RTEL1: variants seen among roughly 807,000 people sequenced by gnomAD.
RTEL1 encodes regulator of telomere elongation helicase 1, also known as regulator of telomere length.
In RTEL1, 86 loss-of-function variants were observed where a neutral mutation model predicts 162.2. The ratio of observed to expected loss-of-function variants is 0.53; its 90% CI spans 0.45 to 0.63. The LOEUF (loss-of-function observed/expected upper bound fraction) is 0.63. Among genes scored for constraint, RTEL1 ranks in the 30% least tolerant of loss-of-function variants. The pLI is 0.00. For synonymous variants in RTEL1, 958 were observed against 717.9 expected, an observed-to-expected ratio of 1.33 and a Z score of -5.35; for missense variants, 1,941 against 1,750.2, an observed-to-expected ratio of 1.11 and a Z score of -1.95.
chr20:63,693,459 ACCTCC>A (rs2090833355), intron 30 of RTEL1, among the ~76,000 whole-genome samples, 176 bp downstream of exon 30: 1 of 18,322 alleles, frequency 5.5e-5, no homozygotes. Flanking sequence ...CACCACCTCC[ACCTCC>A]ACCTCCACCT....
intron 7 of RTEL1, among the ~76,000 whole-genome samples, chr20:63,666,986 C>A (rs547948547): frequency 2.0e-5 from 3 of 151,950 alleles, no homozygotes; most frequent in African/African-American, 4.8e-5. Context: ...ACTACAGGTG[C>A]CCGCCACCAC....
chr20:63,671,568 G>C (rs1020941603), intron 8 of RTEL1, among the ~76,000 whole-genome samples: 1 of 151,202 alleles, frequency 6.6e-6, no homozygotes, highest in African/African-American at 2.4e-5. Flanking sequence ...TGCAAGCTCT[G>C]CCTCCTGGGT....
intron 6 of RTEL1, 56 bp downstream of exon 6, chr20:63,662,945 G>T: frequency 6.6e-7 from 1 of 1,512,800 alleles, no homozygotes; most frequent in Non-Finnish European, 9.2e-7. Flanking sequence ...GCCTCTCAGG[G>T]TGGAGCTCAG....
In RTEL1 at chr20:63,690,407, C is replaced by G. The variant is rs772974885; in HGVS notation, c.2379C>G (p.Asp793Glu). Residue 793 changes from aspartate to glutamate, a missense_variant, in exon 26 of 35, where the codon GAC (aspartate) becomes GAG (glutamate). Physicochemically the swap from Asp to Glu is conservative, Grantham distance 45. Coordinates refer to ENST00000360203, the MANE Select transcript of RTEL1 (RefSeq NM_001283009.2). ...FFSTRKAKSL[D>E]LHVPSLKQRS... is the part of the protein sequence containing the mutation. Reference sequence around the variant, plus strand: ...CCACCAGGAAAGCTAAGAGTCTGGACCTGCATGTCCCCAGCCTGAAGCAGA... The same window carrying G: ...CCACCAGGAAAGCTAAGAGTCTGGAGCTGCATGTCCCCAGCCTGAAGCAGA... The G allele has an allele frequency of 6.2e-6, 10 of 1,608,140 alleles. No individual in the cohort carries two copies. In the South Asian group the frequency reaches 9.9e-5, roughly 16 times the overall value.
chr20:63,676,917 G>C (rs1458705249), intron 10 of RTEL1, among the ~76,000 whole-genome samples: 1 of 145,640 alleles, frequency 6.9e-6, no homozygotes, highest in African/African-American at 2.6e-5. Flanking sequence ...CCTGGCGACA[G>C]AGCGAGACTC....
At chr20:63,681,604 C>T in intron 14 of RTEL1, 1 of 985,384 alleles carries the variant, frequency 1.0e-6, no homozygotes, top group South Asian at 4.7e-5. Flanking sequence ...CTGGCCTGTG[C>T]ATGCTGCTGG....
chr20:63,691,700 T>C, intron 27 of RTEL1, 42 bp from the exon 28 acceptor site: 1 of 1,519,158 alleles, frequency 6.6e-7, no homozygotes, highest in Non-Finnish European at 9.1e-7. Flanking sequence ...CCAGAGTGTG[T>C]GGTTGGGGTC....
intron 2 of RTEL1, among the ~76,000 whole-genome samples, chr20:63,660,326 C>T (rs1022074476): frequency 6.6e-6 from 1 of 152,222 alleles, no homozygotes; most frequent in Admixed American, 6.5e-5. Context: ...CAGACTATCA[C>T]ATGGAGAGAA....
Position 63,694,745 on chromosome 20 carries a change from C to G in RTEL1, c.3114C>G (p.Asp1038Glu), listed in dbSNP as rs746139882. The change falls in exon 32 of 35, where the codon GAC (aspartate) becomes GAG (glutamate). Residue 1038 changes from aspartate to glutamate, a missense_variant. Transcript: ENST00000360203. ...HLSPRPPPTG[D>E]PGSQPQWGSG... ...GCCATGCTACTCCCACACCAGGAGA[C>G]CCTGGCAGCCAACCACAGTGGGGGT... 1 of 1,601,744 alleles carries G rather than the reference C, an allele frequency of 6.2e-7. No homozygotes were observed. Among genetic ancestry groups the G allele is most frequent in the Non-Finnish European group, 8.5e-7 (1 of 1,174,044 alleles).
In RTEL1 at chr20:63,676,904, C is replaced by T. The variant is rs1053296260; in HGVS notation, c.920-1241C>T. 1.2e-4 allele frequency among the ~76,000 whole-genome samples: 14 copies of T among 112,688 alleles called. No homozygotes were observed. In the East Asian group the frequency reaches 1.8e-3, roughly 15 times the overall value. The allele number at this position is 112,688 out of a possible 152,430, so 73.9% of individuals were successfully genotyped here. ...GAGCCGAGATCGCACCATTGCACTC[C>T]AGCCTGGCGACAGAGCGAGACTCCG... On this transcript the variant is annotated intron_variant, in intron 10 of 34. Transcript: ENST00000360203.
intron 14 of RTEL1, chr20:63,682,034 C>T (rs2090486547): frequency 1.0e-6 from 1 of 985,334 alleles, no homozygotes; most frequent in Admixed American, 6.1e-5. Context: ...CAGCACATGG[C>T]CAGGCGAGGT....
Position 63,687,752 on chromosome 20 carries a change from T to C in RTEL1, c.1463T>C (p.Phe488Ser). 6.3e-7 allele frequency: 1 copy of C among 1,579,960 alleles called. No homozygotes were observed. Among genetic ancestry groups the C allele is most frequent in the Non-Finnish European group, 8.6e-7 (1 of 1,164,154 alleles). Residue 488 changes from phenylalanine (F) to serine (S), a missense_variant, in exon 17 of 35, where the codon TTT (phenylalanine) becomes TCT (serine). Phe to Ser is a radical substitution (Grantham distance 155). Coordinates refer to ENST00000360203, the MANE Select transcript of RTEL1 (RefSeq NM_001283009.2). ...GGCACGCTGGCCCCGGTGTCCTCCTTTGCTCTGGAGATGCAGATGTACGGG... is the reference window on the plus strand; with the variant it reads ...GGCACGCTGGCCCCGGTGTCCTCCTCTGCTCTGGAGATGCAGATGTACGGG... ...TSGTLAPVSSFALEMQIPFPV... is the reference protein window; with the variant it reads ...TSGTLAPVSSSALEMQIPFPV...
In RTEL1 at chr20:63,668,556, T is replaced by C. The variant is rs1432964553; in HGVS notation, c.699+1003T>C. On this transcript the variant is annotated intron_variant, in intron 8 of 34. Coordinates refer to ENST00000360203, the MANE Select transcript of RTEL1 (RefSeq NM_001283009.2). This position sits in a 1 kb window ranked among gnomAD's most constrained non-coding sequence, Gnocchi z 4.3. ...GCGGGAGGTGGGGAATGCTGGTGGG[T>C]CTGAGGGGAGCCTCAGCAGGTGCAG... Among the ~76,000 whole-genome samples the C allele has an allele frequency of 1.3e-5, 2 of 151,580 alleles. No homozygotes were observed. Among genetic ancestry groups the C allele is most frequent in the African/African-American group, 4.9e-5 (2 of 41,188 alleles).
Position 63,694,960 on chromosome 20 carries a change from T to A in RTEL1, c.3329T>A (p.Phe1110Tyr), listed in dbSNP as rs148621466. 9.9e-6 allele frequency: 16 copies of A among 1,612,060 alleles called. No homozygotes were observed. The highest frequency in any genetic ancestry group is 1.3e-5 in the African/African-American group (1 of 74,820). The change falls in exon 32 of 35, where the codon TTC becomes TAC. Residue 1110 changes from phenylalanine (F) to tyrosine (Y), a missense_variant. By Grantham distance (22) the Phe-to-Tyr change is conservative (BLOSUM62 3). Transcript: ENST00000360203. ...CTGACCACTGCAAAGCCAGAGGACT[T>A]CCCCCTGCTGCACAGCAAGTGGCCC... The part of the protein sequence containing the change: ...AALTTAKPED[F>Y]PLLHRFSMFV...
intron 10 of RTEL1, among the ~76,000 whole-genome samples, chr20:63,676,552 A>G (rs932766598): frequency 2.0e-5 from 3 of 152,158 alleles, no homozygotes; most frequent in African/African-American, 7.2e-5. Context: ...TAATTCCATC[A>G]TCTAGTCAGT....
intron 30 of RTEL1, 52 bp from the exon 31 acceptor site, chr20:63,694,320 G>C: frequency 7.5e-7 from 1 of 1,328,746 alleles, no homozygotes; most frequent in Non-Finnish European, 1.1e-6. Flanking sequence ...CCACCCCAGG[G>C]AACTTTCCAG....
At chr20:63,691,702 G>C (rs764915904) in intron 27 of RTEL1, 40 bp from the exon 28 acceptor site, 2 of 1,539,104 alleles carry the variant, frequency 1.3e-6, no homozygotes, top group Non-Finnish European at 1.8e-6. Context: ...AGAGTGTGTG[G>C]TTGGGGTCTG....
rs1020281464 is a variant in RTEL1 at position 63,696,104 on chromosome 20, C to T, written c.*246C>T. ...TTTCTGGGAAAGTGCTTCCCCAGAA[C>T]TTCCCTGGCTCCTGGCCTGTGAGTG... On this transcript the variant is annotated 3_prime_UTR_variant, in exon 35 of 35. Transcript: ENST00000360203. The T allele has an allele frequency of 1.8e-6, 1 of 555,496 alleles. No homozygotes were observed. The highest frequency in any genetic ancestry group is 3.2e-6 in the Non-Finnish European group (1 of 312,410). The allele number at this position is 555,496 out of a possible 1,614,324, so 34.4% of individuals were successfully genotyped here.
chr20:63,694,565 G>A (rs1181780772), intron 31 of RTEL1, 77 bp downstream of exon 31: 1 of 1,345,344 alleles, frequency 7.4e-7, no homozygotes, highest in South Asian at 1.3e-5. Context: ...ACTCTTGAGT[G>A]TGGCCGGGGC....
Sources: allele counts gnomAD v4.1 joint callset (sites outside exome capture counted in the v4.1 genomes callset), GRCh38; gene constraint gnomAD v4.1.1; non-coding constraint Gnocchi (gnomAD v3.1); transcripts MANE v1.5; gene names NCBI Gene and HGNC (gene_info 2026-07-23, HGNC 2026-07-21).